CDH12: variants seen among roughly 807,000 people sequenced by gnomAD.
The protein encoded by CDH12 is cadherin 12.
In CDH12, 41 loss-of-function variants were observed where a neutral mutation model predicts 74.1. The ratio of observed to expected loss-of-function variants is 0.55; its 90% CI spans 0.43 to 0.72. The LOEUF (loss-of-function observed/expected upper bound fraction) is 0.72. CDH12 is among the 30% of genes least tolerant of loss of function. CDH12 has a pLI of 0.00. For synonymous variants in CDH12, 399 were observed against 355.0 expected, an observed-to-expected ratio of 1.12 and a Z score of -1.39; for missense variants, 945 against 977.2, an observed-to-expected ratio of 0.97 and a Z score of 0.44.
chr5:22,151,169 G>A lies in CDH12; in HGVS notation c.-187+61329C>T, dbSNP rs527303147. Among the ~76,000 whole-genome samples the A allele has an allele frequency of 1.7e-3, 261 of 152,218 alleles. 2 individuals carry two copies. Among genetic ancestry groups the A allele is most frequent in the African/African-American group, 6.1e-3 (252 of 41,542 alleles). ...AAACCAAGGCACAGGGAGGTTAAAT[G>A]GCTTGTCCAAGGTCACACAGCCTTT... On this transcript the variant is annotated intron_variant, in intron 4 of 14. Transcript: ENST00000382254.
chr5:21,804,288 G>T (rs1197991948), intron 9 of CDH12, among the ~76,000 whole-genome samples: 2 of 152,024 alleles, frequency 1.3e-5, no homozygotes, highest in East Asian at 3.9e-4. Flanking sequence ...GAATAGAAGT[G>T]TAGTATCTGA....
intron 2 of CDH12, among the ~76,000 whole-genome samples, chr5:22,482,148 T>C (rs1469510854): frequency 6.6e-6 from 1 of 152,104 alleles, no homozygotes; most frequent in Non-Finnish European, 1.5e-5. Flanking sequence ...AACGTTAAAA[T>C]GAGAGAATAC....
At chr5:21,936,254 G>C (rs1467138664) in intron 6 of CDH12, among the ~76,000 whole-genome samples, 2 of 152,114 alleles carry the variant, frequency 1.3e-5, no homozygotes, top group East Asian at 3.9e-4. Flanking sequence ...GCCAACATTT[G>C]TTATTGCCTG....
chr5:22,846,931 T>A (rs1240688624), intron 1 of CDH12, among the ~76,000 whole-genome samples: 1 of 116,370 alleles, frequency 8.6e-6, no homozygotes, highest in African/African-American at 3.0e-5. Flanking sequence ...TTTGAGTATA[T>A]GAAAGAATTT....
At chr5:22,386,412 T>C (rs1001961454) in intron 3 of CDH12, among the ~76,000 whole-genome samples, 1 of 152,200 alleles carries the variant, frequency 6.6e-6, no homozygotes, top group African/African-American at 2.4e-5. Context: ...AGCACTTTTC[T>C]ACTAAGACAT....
chr5:22,451,410 G>A (rs1366835029), intron 2 of CDH12, among the ~76,000 whole-genome samples: 1 of 151,742 alleles, frequency 6.6e-6, no homozygotes, highest in South Asian at 2.1e-4. Context: ...TGCGAGGATG[G>A]TTCACTATAT....
At chr5:21,804,262 TG>T (rs1293478063) in intron 9 of CDH12, among the ~76,000 whole-genome samples, 1 of 152,172 alleles carries the variant, frequency 6.6e-6, no homozygotes, top group Non-Finnish European at 1.5e-5. Context: ...GTTGATAATG[TG>T]GCCTTTGATG....
chr5:22,780,741 C>T (rs1747346414), intron 1 of CDH12, among the ~76,000 whole-genome samples: 1 of 152,080 alleles, frequency 6.6e-6, no homozygotes, highest in South Asian at 2.1e-4. Context: ...CACCACTACA[C>T]TCTGGCGTAG....
At chr5:21,903,127 A>C (rs1031312752) in intron 6 of CDH12, among the ~76,000 whole-genome samples, 1 of 152,128 alleles carries the variant, frequency 6.6e-6, no homozygotes, top group Non-Finnish European at 1.5e-5. Flanking sequence ...AAATACAATT[A>C]AATAAATAAA....
Position 21,878,772 on chromosome 5 carries a change from GAAAAGAAAGAAA to G in CDH12, c.527-23994_527-23983del, listed in dbSNP as rs1192251214. Among the ~76,000 whole-genome samples the G allele has an allele frequency of 7.5e-3, 595 of 79,840 alleles. 1 individual carries two copies. The highest frequency in any genetic ancestry group is 0.024 in the African/African-American group (552 of 23,334). 52.4% of individuals were successfully genotyped at this position (79,840 alleles called of 152,430 possible). A position where few individuals can be genotyped will look rare whatever the true frequency, so the allele number is the denominator to read the frequency against. On this transcript the variant is annotated intron_variant, in intron 6 of 14. Coordinates refer to ENST00000382254, the MANE Select transcript of CDH12 (RefSeq NM_004061.5). ...CTGTTGAAAGAAGAAAAGAAAGAAA[GAAAAGAAAGAAA>G]AAAAGAAAGAAAGAAAGAAGAAAGA...
chr5:22,714,946 T>C (rs1743495472), intron 1 of CDH12, among the ~76,000 whole-genome samples: 1 of 152,142 alleles, frequency 6.6e-6, no homozygotes, highest in African/African-American at 2.4e-5. Context: ...TCGCAGAACG[T>C]CTTTCCCAGG....
chr5:22,602,508 T>G (rs1416122049), intron 1 of CDH12, among the ~76,000 whole-genome samples: 1 of 152,136 alleles, frequency 6.6e-6, no homozygotes, highest in Non-Finnish European at 1.5e-5. Flanking sequence ...TGTCAACTAT[T>G]CATTGTTTTC....
At chr5:21,781,793 T>A (rs558033109) in intron 11 of CDH12, among the ~76,000 whole-genome samples, 2 of 152,212 alleles carry the variant, frequency 1.3e-5, no homozygotes, top group Admixed American at 6.5e-5. Flanking sequence ...TTATGCATTT[T>A]AAAAATTTTC....
chr5:21,927,028 T>C (rs894069434), intron 6 of CDH12, among the ~76,000 whole-genome samples: 4 of 152,178 alleles, frequency 2.6e-5, no homozygotes, highest in Non-Finnish European at 5.9e-5. Flanking sequence ...CCAAGCAGCA[T>C]ATGGGACCAC....
intron 1 of CDH12, among the ~76,000 whole-genome samples, chr5:22,709,659 G>A (rs144536213): frequency 6.2e-4 from 94 of 152,138 alleles, no homozygotes; most frequent in African/African-American, 2.2e-3. Flanking sequence ...CACCTTCACC[G>A]AATACAATAG....
chr5:22,306,381 GGA>G (rs35900801), intron 3 of CDH12, among the ~76,000 whole-genome samples: 12 of 150,168 alleles, frequency 8.0e-5, no homozygotes, highest in African/African-American at 1.5e-4. Context: ...GGGAGGGAAG[GGA>G]GAGAGAGAGA....
chr5:22,246,413 C>G (rs1752946586), intron 3 of CDH12, among the ~76,000 whole-genome samples: 1 of 152,048 alleles, frequency 6.6e-6, no homozygotes, highest in Non-Finnish European at 1.5e-5. Flanking sequence ...CCAAAAATTT[C>G]TTAGAAACTA....
intron 3 of CDH12, among the ~76,000 whole-genome samples, chr5:22,400,264 G>A (rs1201911867): frequency 6.6e-6 from 1 of 152,014 alleles, no homozygotes; most frequent in South Asian, 2.1e-4. Context: ...ATTACTGAAG[G>A]CCATTGTTTA....
At chr5:22,524,132 G>A (rs760791235) in intron 1 of CDH12, among the ~76,000 whole-genome samples, 4 of 151,786 alleles carry the variant, frequency 2.6e-5, no homozygotes, top group Admixed American at 6.6e-5. Context: ...ACAGGCGCAC[G>A]CCACCATATC....
Sources: allele counts gnomAD v4.1 joint callset (sites outside exome capture counted in the v4.1 genomes callset), GRCh38; gene constraint gnomAD v4.1.1; transcripts MANE v1.5; gene names NCBI Gene and HGNC (gene_info 2026-07-23, HGNC 2026-07-21).